The following SMCHD1 variants were observed in gnomAD, a reference collection of about 807,000 sequenced individuals.
SMCHD1 encodes the protein structural maintenance of chromosomes flexible hinge domain-containing protein 1.
Under a neutral mutation model 254.7 loss-of-function variants are expected in SMCHD1, and 78 were observed. The ratio of observed to expected loss-of-function variants is 0.31; its 90% CI spans 0.26 to 0.37. SMCHD1 has a LOEUF of 0.37. Ranked by LOEUF, SMCHD1 falls within the 10% of genes least tolerant of loss-of-function variation. The pLI is 1.00. For synonymous variants in SMCHD1, 766 were observed against 794.9 expected, an observed-to-expected ratio of 0.96 and a Z score of 0.61; for missense variants, 1,840 against 2,408.1, an observed-to-expected ratio of 0.76 and a Z score of 4.94.
At chr18:2,665,984 C>T (rs2073424572) in intron 1 of SMCHD1, among the ~76,000 whole-genome samples, 173 bp from the exon 2 acceptor site, 1 of 152,022 alleles carries the variant, frequency 6.6e-6, no homozygotes, top group Admixed American at 6.6e-5. Context: ...TAGATTTATG[C>T]ACTATTAATT....
intron 7 of SMCHD1, among the ~76,000 whole-genome samples, chr18:2,689,323 T>C (rs1036516143): frequency 2.6e-5 from 4 of 150,988 alleles, no homozygotes; most frequent in Non-Finnish European, 5.9e-5. Context: ...GTTCAAGATA[T>C]TCTCCTGCCT....
chr18:2,674,101 C>G lies in SMCHD1; in HGVS notation c.594C>G (p.Ala198=), dbSNP rs1209661904. ...GMTSKQLNNW[A]VYRLSKFTRQ... is the part of the protein sequence containing the mutation. ...CCTCTAAACAGCTTAACAACTGGGC[C>G]GTGTATAGGTTGTCAAAATTCACAA... Residue 198 remains alanine (A), a synonymous_variant, in exon 5 of 48, where the codon GCC becomes GCG. Coordinates refer to ENST00000320876, the MANE Select transcript of SMCHD1 (RefSeq NM_015295.3). 6.2e-7 allele frequency: 1 copy of G among 1,602,140 alleles called. No individual in the cohort carries two copies. The highest frequency in any genetic ancestry group is 8.5e-7 in the Non-Finnish European group (1 of 1,174,746).
At chr18:2,717,857 A>T (rs2074837620) in intron 17 of SMCHD1, among the ~76,000 whole-genome samples, 1 of 152,116 alleles carries the variant, frequency 6.6e-6, no homozygotes, top group Non-Finnish European at 1.5e-5. Flanking sequence ...TGGGCAATAA[A>T]TAAGGAATTT....
intron 39 of SMCHD1, among the ~76,000 whole-genome samples, chr18:2,770,492 ACTT>A (rs2075957996): frequency 6.6e-6 from 1 of 152,216 alleles, no homozygotes; most frequent in South Asian, 2.1e-4. Context: ...TTTGTATTTT[ACTT>A]CAAACATCTG....
chr18:2,798,073 G>C (rs1261491542), intron 47 of SMCHD1, among the ~76,000 whole-genome samples: 4 of 152,176 alleles, frequency 2.6e-5, no homozygotes, highest in Admixed American at 2.6e-4. Context: ...CAGAGGTTGG[G>C]AAGGAGGCAT....
intron 46 of SMCHD1, 75 bp from the exon 47 acceptor site, chr18:2,796,332 A>G (rs2076263202): frequency 4.1e-6 from 4 of 973,246 alleles, no homozygotes; most frequent in East Asian, 5.3e-5. Context: ...AAATTATGAC[A>G]TATTCATGTT....
intron 45 of SMCHD1, among the ~76,000 whole-genome samples, chr18:2,789,518 G>GT (rs1486054147): frequency 2.6e-5 from 3 of 113,598 alleles, no homozygotes; most frequent in African/African-American, 9.8e-5. Flanking sequence ...GAGTAGACCT[G>GT]TTTTTTTCTC....
At chr18:2,753,868 G>A (rs1214598380) in intron 34 of SMCHD1, among the ~76,000 whole-genome samples, 2 of 152,016 alleles carry the variant, frequency 1.3e-5, no homozygotes, top group Non-Finnish European at 2.9e-5. Context: ...TTCCCAACAC[G>A]GTTTTGTGGG....
intron 23 of SMCHD1, 114 bp downstream of exon 23, chr18:2,728,710 G>T: frequency 8.8e-6 from 10 of 1,142,816 alleles, no homozygotes; most frequent in South Asian, 1.9e-5. Flanking sequence ...CGATTATTCC[G>T]TGGAAGGATT....
Position 2,771,526 on chromosome 18 carries a change from A to G in SMCHD1, c.4967-7A>G. ...AATTGATGCAAATTTTTGGTTTTTT[A>G]TTTTAGGTCAAGTTGAAGAAGCAAG... On this transcript the variant is annotated splice_region_variant and splice_polypyrimidine_tract_variant and intron_variant, in intron 39 of 47. Transcript: ENST00000320876. 1 of 1,554,080 alleles carries G rather than the reference A, an allele frequency of 6.4e-7. No homozygotes were observed. The highest frequency in any genetic ancestry group is 1.3e-5 in the South Asian group (1 of 79,728).
chr18:2,703,252 G>C (rs934605214), intron 12 of SMCHD1, among the ~76,000 whole-genome samples: 1 of 151,996 alleles, frequency 6.6e-6, no homozygotes, highest in African/African-American at 2.4e-5. Context: ...CCATCTATCT[G>C]TTTGTATATT....
chr18:2,780,933 A>T (rs972162948), intron 44 of SMCHD1, among the ~76,000 whole-genome samples: 1 of 152,226 alleles, frequency 6.6e-6, no homozygotes, highest in African/African-American at 2.4e-5. Flanking sequence ...GCTATTTCAG[A>T]TATGTATCTT....
At chr18:2,795,091 GCT>G (rs941373047) in intron 45 of SMCHD1, among the ~76,000 whole-genome samples, 1 of 150,864 alleles carries the variant, frequency 6.6e-6, no homozygotes, top group African/African-American at 2.4e-5. Flanking sequence ...ACGGAGTCTC[GCT>G]CTGTCACCCA....
At chr18:2,755,569 T>TTTCTTTC (rs375128611) in intron 34 of SMCHD1, among the ~76,000 whole-genome samples, 14 of 128,300 alleles carry the variant, frequency 1.1e-4, no homozygotes, top group Admixed American at 1.6e-4. Flanking sequence ...TTCTTTCTTT[T>TTTCTTTC]TTTTTTTTTT....
intron 17 of SMCHD1, among the ~76,000 whole-genome samples, chr18:2,712,907 C>G (rs867481644): frequency 6.6e-6 from 1 of 152,216 alleles, no homozygotes; most frequent in Admixed American, 6.5e-5. Context: ...CTTCCTCTCT[C>G]TCCAACTTGA....
intron 1 of SMCHD1, among the ~76,000 whole-genome samples, chr18:2,661,752 C>T (rs1362688965): frequency 4.6e-5 from 7 of 152,218 alleles, no homozygotes; most frequent in East Asian, 3.8e-4. Context: ...CATTCCTATC[C>T]GTAGATAATT....
At chr18:2,775,068 A>ATTTTTTTTT (rs10601895) in intron 41 of SMCHD1, among the ~76,000 whole-genome samples, 20 of 73,008 alleles carry the variant, frequency 2.7e-4, no homozygotes, top group African/African-American at 8.1e-4. Context: ...AAAAGGAACA[A>ATTTTTTTTT]TTTTTTTTTT....
intron 7 of SMCHD1, among the ~76,000 whole-genome samples, 191 bp from the exon 8 acceptor site, chr18:2,694,336 A>T (rs1300848342): frequency 6.6e-6 from 1 of 152,222 alleles, no homozygotes; most frequent in Admixed American, 6.5e-5. Context: ...AGTCTGTGTG[A>T]AAGTTCCCTT....
rs1432804120 is a variant in SMCHD1 at position 2,804,965 on chromosome 18, T to G, written c.*2413T>G. ...CTTCCAAAGGAAAATAATAGCCTAC[T>G]TGTATTTTGAAGTAACTGAAATAAA... is the stretch of plus-strand genomic sequence containing the variant. On this transcript the variant is annotated 3_prime_UTR_variant, in exon 48 of 48. Coordinates refer to ENST00000320876, the MANE Select transcript of SMCHD1 (RefSeq NM_015295.3). 1 of 152,228 alleles carries G rather than the reference T, an allele frequency of 6.6e-6. No individual in the cohort carries two copies. The highest frequency in any genetic ancestry group is 2.4e-5 in the African/African-American group (1 of 41,464). 9.4% of individuals were successfully genotyped at this position (152,228 alleles called of 1,614,324 possible).
Sources: gnomAD v4.1 joint callset for allele counts (sites outside exome capture counted in the v4.1 genomes callset) on GRCh38, gnomAD v4.1.1 for gene constraint, MANE v1.5 for transcripts, NCBI Gene and HGNC (gene_info 2026-07-23, HGNC 2026-07-21) for gene names.